Variants in EDC3 observed in about 807,000 individuals in gnomAD.
The protein encoded by EDC3 is enhancer of mRNA decapping 3, also known as enhancer of mRNA-decapping protein 3.
A neutral mutation model predicts 41.8 loss-of-function variants in EDC3; 20 were observed. The ratio of observed to expected loss-of-function variants is 0.48; its 90% CI spans 0.34 to 0.70. The LOEUF is 0.70. Ranked by LOEUF, EDC3 falls within the 30% of genes least tolerant of loss-of-function variation. The pLI, the probability that EDC3 is intolerant of heterozygous loss-of-function variation, is 0.01. For missense variants in EDC3, 444 were observed against 636.8 expected (o/e 0.70, Z 3.26); for synonymous variants, 206 against 243.2 (o/e 0.85, Z 1.42).
intron 3 of EDC3, among the ~76,000 whole-genome samples, chr15:74,660,388 G>A (rs1162107147): frequency 3.3e-5 from 5 of 150,198 alleles, no homozygotes; most frequent in Non-Finnish European, 7.4e-5. Flanking sequence ...CCAGCCTTGG[G>A]GACAGAGTGA....
chr15:74,665,964 A>C (rs2062672565), intron 3 of EDC3, among the ~76,000 whole-genome samples: 1 of 151,852 alleles, frequency 6.6e-6, no homozygotes, highest in South Asian at 2.1e-4. Flanking sequence ...CACCCAGCTG[A>C]TTTTTTGTAT....
rs1012796969 is a variant in EDC3, at chr15:74,656,923, T to C, written c.485-855A>G. The stretch of plus-strand genomic sequence containing the variant: ...TGACTGTGTAACTATGGAGAAGAAT[T>C]TGGCTGGAGACAGCCAGACTTAAGG... On this transcript the variant is annotated intron_variant, in intron 3 of 6. Coordinates refer to ENST00000315127, the MANE Select transcript of EDC3 (RefSeq NM_025083.5). 4.9e-4 allele frequency among the ~76,000 whole-genome samples: 75 copies of C among 152,312 alleles called. 1 individual carries two copies. Among genetic ancestry groups the C allele is most frequent in the African/African-American group, 1.7e-3 (71 of 41,564 alleles).
chr15:74,640,951 T>C (rs1047292086), intron 4 of EDC3: 8 of 290,972 alleles, frequency 2.7e-5, no homozygotes, highest in Middle Eastern at 1.1e-3. Context: ...CAGCAACCTA[T>C]CAGGCACATG....
intron 3 of EDC3, among the ~76,000 whole-genome samples, chr15:74,661,746 A>G (rs989388632): frequency 2.6e-5 from 4 of 151,064 alleles, no homozygotes; most frequent in East Asian, 1.9e-4. Context: ...AAAAAAAAGA[A>G]AAAGAAAAAG....
intron 1 of EDC3, among the ~76,000 whole-genome samples, chr15:74,694,576 G>A (rs1596340042): frequency 6.6e-6 from 1 of 152,244 alleles, no homozygotes. Context: ...AAAGTGCTGG[G>A]ATTACTGGCG....
chr15:74,690,403 C>T (rs928919271), intron 1 of EDC3, among the ~76,000 whole-genome samples: 2 of 151,948 alleles, frequency 1.3e-5, no homozygotes, highest in Non-Finnish European at 2.9e-5. Flanking sequence ...ACTAAGGCAG[C>T]GCCCAAATGA....
chr15:74,632,173 G>T lies in EDC3; in HGVS notation c.*439C>A, dbSNP rs958616565. 2.8e-5 allele frequency: 6 copies of T among 214,370 alleles called. No individual in the cohort carries two copies. In the South Asian group the frequency reaches 4.0e-4, roughly 14 times the overall value. 13.3% of individuals were successfully genotyped at this position (214,370 alleles called of 1,614,324 possible). ...CTGCCGTGCAGCTGGTTCTACAGAG[G>T]AAGGGCTGTCTGCGTGGGGAAAGCA... On this transcript the variant is annotated 3_prime_UTR_variant, in exon 7 of 7. Coordinates refer to ENST00000315127, the MANE Select transcript of EDC3 (RefSeq NM_025083.5). This position sits in a 1 kb window ranked among gnomAD's most constrained non-coding sequence, Gnocchi z 4.0.
intron 4 of EDC3, among the ~76,000 whole-genome samples, chr15:74,653,580 A>G (rs966491985): frequency 2.6e-5 from 4 of 152,232 alleles, no homozygotes; most frequent in Non-Finnish European, 5.9e-5. Context: ...ACCAGATGGC[A>G]TGAAGCTGCT....
chr15:74,662,435 AT>A (rs759030734), intron 3 of EDC3, among the ~76,000 whole-genome samples: 8,223 of 137,746 alleles, frequency 0.06, 356 homozygotes, highest in African/African-American at 0.13. Context: ...ATATATATAT[AT>A]TTTTTTTTTA....
At position 74,675,005 on chromosome 15, in the gene EDC3, A is replaced by T; in HGVS notation, c.120T>A (p.Pro40=). 1 of 1,614,196 alleles carries T rather than the reference A, an allele frequency of 6.2e-7. No individual in the cohort carries two copies. Among genetic ancestry groups the T allele is most frequent in the Non-Finnish European group, 8.5e-7 (1 of 1,180,056 alleles). Reference sequence around the variant, plus strand: ...CAAGACACTTCACTCCATTATGGAAAGGCCGGGTGAGAGAAATGGTCTGGC... The same window carrying T: ...CAAGACACTTCACTCCATTATGGAATGGCCGGGTGAGAGAAATGGTCTGGC... The part of the protein sequence containing the change: ...QVSQTISLTR[P]FHNGVKCLVP... The change falls in exon 2 of 7, where the codon CCT becomes CCA. Residue 40 remains proline (P), a synonymous_variant. Coordinates refer to ENST00000315127, the MANE Select transcript of EDC3 (RefSeq NM_025083.5).
chr15:74,673,837 C>CAAAA (rs748537794), intron 2 of EDC3, among the ~76,000 whole-genome samples: 5 of 47,206 alleles, frequency 1.1e-4, no homozygotes, highest in Non-Finnish European at 1.4e-4. Flanking sequence ...GAGACTCCAT[C>CAAAA]AAAAAAAAAA....
At chr15:74,695,218 T>C (rs1486978098) in intron 1 of EDC3, 2 of 151,600 alleles carry the variant, frequency 1.3e-5, no homozygotes, top group Non-Finnish European at 2.9e-5. Context: ...GGCGAAGCAA[T>C]TGCTATTGGG....
chr15:74,651,774 A>G (rs768883550), intron 4 of EDC3, among the ~76,000 whole-genome samples: 1 of 152,258 alleles, frequency 6.6e-6, no homozygotes, highest in Non-Finnish European at 1.5e-5. Flanking sequence ...AGAAAAGACT[A>G]CAGAGATGTC....
intron 4 of EDC3, among the ~76,000 whole-genome samples, chr15:74,654,186 G>A (rs2062515305): frequency 6.6e-6 from 1 of 151,676 alleles, no homozygotes; most frequent in South Asian, 2.1e-4. Context: ...CCAGGAGGTG[G>A]AGGTTGGCAG....
At chr15:74,662,392 C>T (rs1010906158) in intron 3 of EDC3, among the ~76,000 whole-genome samples, 1 of 151,484 alleles carries the variant, frequency 6.6e-6, no homozygotes, top group African/African-American at 2.4e-5. Context: ...ACACAAAACT[C>T]TGCTGAATTA....
chr15:74,653,312 TATTCTA>T (rs2062504641), intron 4 of EDC3, among the ~76,000 whole-genome samples: 2 of 152,142 alleles, frequency 1.3e-5, no homozygotes, highest in South Asian at 4.1e-4. Flanking sequence ...TTTCCCTATA[TATTCTA>T]GTTTGCCTTT....
At chr15:74,654,677 T>A (rs1004652634) in intron 4 of EDC3, among the ~76,000 whole-genome samples, 1 of 152,000 alleles carries the variant, frequency 6.6e-6, no homozygotes, top group Non-Finnish European at 1.5e-5. Context: ...GTTTTTTTTT[T>A]AGCAGTCTTT....
intron 4 of EDC3, among the ~76,000 whole-genome samples, chr15:74,650,323 ACT>A (rs1419842800): frequency 6.6e-6 from 1 of 151,496 alleles, no homozygotes; most frequent in African/African-American, 2.4e-5. Flanking sequence ...CCCAGCACAA[ACT>A]CTCTGCCCTG....
rs1051823183 is a variant in EDC3, at chr15:74,640,379, G to A, written c.974+87C>T. On this transcript the variant is annotated intron_variant, in intron 5 of 6. Transcript: ENST00000315127. The stretch of plus-strand genomic sequence containing the variant: ...TGAGCAGAAACTGCCTAATGAACTC[G>A]TATGTGTGTATGGGAGGCACTGTGG... 58 of 1,431,102 alleles carry A rather than the reference G, an allele frequency of 4.1e-5. No individual in the cohort carries two copies. The African/African-American group carries it at 4.7e-4, about 12-fold the overall frequency. 88.7% of individuals were successfully genotyped at this position (1,431,102 alleles called of 1,614,324 possible). A position where few individuals can be genotyped will look rare whatever the true frequency, so the allele number is the denominator to read the frequency against.
Sources: allele counts gnomAD v4.1 joint callset (sites outside exome capture counted in the v4.1 genomes callset), GRCh38; gene constraint gnomAD v4.1.1; non-coding constraint Gnocchi (gnomAD v3.1); transcripts MANE v1.5; gene names NCBI Gene and HGNC (gene_info 2026-07-23, HGNC 2026-07-21).